The following KITLG variants were observed in gnomAD, a reference collection of about 807,000 sequenced individuals.
KITLG encodes the protein c-Kit ligand.
In KITLG, 13 loss-of-function variants were observed where a neutral mutation model predicts 34.1. That is an observed-to-expected ratio of 0.38 (90% confidence interval 0.25 to 0.61). The LOEUF (loss-of-function observed/expected upper bound fraction) is 0.61, where lower values mean the gene tolerates loss of function less well. KITLG is among the 20% of genes least tolerant of loss of function. The probability of loss-of-function intolerance (pLI) is 0.60; values close to 1 mark genes in which losing one functional copy is unlikely to be tolerated. For synonymous variants in KITLG, 110 were observed against 104.0 expected (o/e 1.06, Z -0.35); for missense variants, 292 against 318.9 (o/e 0.92, Z 0.64).
At position 88,561,128 on chromosome 12, in the gene KITLG, G is replaced by T. The variant is rs564870305; in HGVS notation, c.16-15263C>A. 6.6e-5 allele frequency among the ~76,000 whole-genome samples: 10 copies of T among 152,192 alleles called. No individual in the cohort carries two copies. In the South Asian group the frequency reaches 1.9e-3, roughly 28 times the overall value. The stretch of plus-strand genomic sequence containing the variant: ...CTTTGACACAATCCTTATGGCCGTT[G>T]GAAAGTTATTTTATCATTCTGGGCC... On this transcript the variant is annotated intron_variant, in intron 1 of 9. Coordinates refer to ENST00000644744, the MANE Select transcript of KITLG (RefSeq NM_000899.5).
At chr12:88,541,828 T>G (rs574220346) in intron 2 of KITLG, among the ~76,000 whole-genome samples, 1 of 152,186 alleles carries the variant, frequency 6.6e-6, no homozygotes, top group Non-Finnish European at 1.5e-5. Context: ...AAAAAAAAAT[T>G]TGACATTAAA....
intron 4 of KITLG, among the ~76,000 whole-genome samples, chr12:88,517,002 G>A (rs1349318911): frequency 6.6e-6 from 1 of 151,836 alleles, no homozygotes; most frequent in Non-Finnish European, 1.5e-5. Flanking sequence ...TGACCATCCT[G>A]TGACTCAGAA....
chr12:88,523,314 G>A (rs558517548), intron 3 of KITLG, among the ~76,000 whole-genome samples: 20 of 152,230 alleles, frequency 1.3e-4, no homozygotes, highest in South Asian at 6.2e-4. Context: ...GAAGTGTCTC[G>A]TTCCAGGTTA....
chr12:88,504,906 T>C (rs1004133420), intron 9 of KITLG, among the ~76,000 whole-genome samples: 11 of 136,624 alleles, frequency 8.1e-5, no homozygotes, highest in African/African-American at 3.1e-4. Context: ...CACTCATAGG[T>C]GGGAATTGAA....
At chr12:88,550,848 A>G (rs1227051082) in intron 1 of KITLG, among the ~76,000 whole-genome samples, 1 of 152,222 alleles carries the variant, frequency 6.6e-6, no homozygotes, top group African/African-American at 2.4e-5. Flanking sequence ...ACAGCTGAAT[A>G]GTCTATATTA....
intron 9 of KITLG, among the ~76,000 whole-genome samples, chr12:88,498,115 T>C (rs1230526643): frequency 6.6e-6 from 1 of 152,176 alleles, no homozygotes; most frequent in Admixed American, 6.5e-5. Context: ...AAAATACATA[T>C]AGATGGTATC....
chr12:88,580,268 G>A lies in KITLG; in HGVS notation c.11C>T (p.Thr4Ile), dbSNP rs770885654. 6.2e-7 allele frequency: 1 copy of A among 1,610,556 alleles called. No individual in the cohort carries two copies. Among genetic ancestry groups the A allele is most frequent in the Non-Finnish European group, 8.5e-7 (1 of 1,178,500 alleles). MKKTQTWILTCIYL... is the reference protein window; with the variant it reads MKKIQTWILTCIYL... ...TCCCGGGCGCGCCCTACTCACTTGT[G>A]TCTTCTTCATAAGGAAAGGCAGCGC... The change falls in exon 1 of 10, where the codon ACA becomes ATA. Residue 4 changes from threonine to isoleucine, a missense_variant. Transcript: ENST00000644744.
At chr12:88,533,168 G>A (rs530033874) in intron 2 of KITLG, among the ~76,000 whole-genome samples, 1 of 152,298 alleles carries the variant, frequency 6.6e-6, no homozygotes, top group African/African-American at 2.4e-5. Flanking sequence ...CTGAACATTT[G>A]AGAAGTCTCA....
intron 6 of KITLG, among the ~76,000 whole-genome samples, chr12:88,508,556 CGTGTGTGTGTGT>C (rs139771009): frequency 4.1e-5 from 6 of 147,602 alleles, no homozygotes; most frequent in Non-Finnish European, 7.5e-5. Flanking sequence ...TGTGTGCTCA[CGTGTGTGTGTGT>C]GTGTGTGTGT....
At chr12:88,567,117 C>T (rs1309053462) in intron 1 of KITLG, among the ~76,000 whole-genome samples, 1 of 152,170 alleles carries the variant, frequency 6.6e-6, no homozygotes, top group Admixed American at 6.5e-5. Context: ...CTCCTTTAGG[C>T]CTTAAAAGCA....
At position 88,513,355 on chromosome 12, in the gene KITLG, A is replaced by G. The variant is rs995798865; in HGVS notation, c.604+2179T>C. On this transcript the variant is annotated intron_variant, in intron 6 of 9. Transcript: ENST00000644744. ...AACCAAAAAAAAAGGGCTAGAAATAAGGAACAGAAGGTCAATACACAAATG... is the reference window on the plus strand; with the variant it reads ...AACCAAAAAAAAAGGGCTAGAAATAGGGAACAGAAGGTCAATACACAAATG... Among the ~76,000 whole-genome samples the G allele has an allele frequency of 4.6e-5, 7 of 151,912 alleles. 1 individual carries two copies. Among genetic ancestry groups the G allele is most frequent in the Admixed American group, 4.6e-4 (7 of 15,248 alleles).
Position 88,580,311 on chromosome 12 carries a change from A to G in KITLG, c.-33T>C, listed in dbSNP as rs1305960265. ...GGCAGCGCTGCGATCCAGCACAAACAGTGGTGTGGCGACTCCGTTTAGCTG... is the reference window on the plus strand; with the variant it reads ...GGCAGCGCTGCGATCCAGCACAAACGGTGGTGTGGCGACTCCGTTTAGCTG... On this transcript the variant is annotated 5_prime_UTR_variant, in exon 1 of 10. Coordinates refer to ENST00000644744, the MANE Select transcript of KITLG (RefSeq NM_000899.5). 3.1e-6 allele frequency: 5 copies of G among 1,610,738 alleles called. No homozygotes were observed. Among genetic ancestry groups the G allele is most frequent in the Admixed American group, 1.7e-5 (1 of 59,624 alleles).
chr12:88,497,263 T>G (rs556804619), intron 9 of KITLG, 82 bp from the exon 10 acceptor site: 1 of 321,558 alleles, frequency 3.1e-6, no homozygotes, highest in East Asian at 9.4e-5. Context: ...AAATCATATA[T>G]GACCACAGAA....
At chr12:88,537,569 C>T (rs1870372837) in intron 2 of KITLG, among the ~76,000 whole-genome samples, 1 of 151,860 alleles carries the variant, frequency 6.6e-6, no homozygotes, top group South Asian at 2.1e-4. Context: ...CAAACCTCAG[C>T]ATCATACAAT....
intron 1 of KITLG, among the ~76,000 whole-genome samples, chr12:88,556,829 AG>A: frequency 6.6e-6 from 1 of 152,340 alleles, no homozygotes; most frequent in East Asian, 1.9e-4. Flanking sequence ...GGGGTACAGC[AG>A]CCAATGGAAA....
At chr12:88,498,159 TG>T (rs1868713795) in intron 9 of KITLG, among the ~76,000 whole-genome samples, 1 of 152,198 alleles carries the variant, frequency 6.6e-6, no homozygotes, top group Non-Finnish European at 1.5e-5. Flanking sequence ...TAAATAAATG[TG>T]TTTTGCATTT....
intron 8 of KITLG, among the ~76,000 whole-genome samples, chr12:88,505,936 G>A (rs1011925916): frequency 5.3e-5 from 8 of 152,142 alleles, no homozygotes; most frequent in African/African-American, 4.8e-5. Context: ...TTAGGAAGAC[G>A]CTCCAAGAGC....
intron 1 of KITLG, among the ~76,000 whole-genome samples, chr12:88,576,560 A>G (rs1871831593): frequency 6.6e-6 from 1 of 152,184 alleles, no homozygotes; most frequent in Admixed American, 6.5e-5. Flanking sequence ...AAAAATCTTT[A>G]TAACTTTTAT....
At chr12:88,510,548 G>C (rs1456142647) in intron 6 of KITLG, among the ~76,000 whole-genome samples, 1 of 152,170 alleles carries the variant, frequency 6.6e-6, no homozygotes, top group Non-Finnish European at 1.5e-5. Flanking sequence ...AAATGTATAA[G>C]ATAATGTCAA....
Sources: gnomAD v4.1 joint callset for allele counts (sites outside exome capture counted in the v4.1 genomes callset) on GRCh38, gnomAD v4.1.1 for gene constraint, MANE v1.5 for transcripts, NCBI Gene and HGNC (gene_info 2026-07-23, HGNC 2026-07-21) for gene names.